The following TRAF3IP2 variants were observed in gnomAD, a reference collection of about 807,000 sequenced individuals.
The protein encoded by TRAF3IP2 is E3 ubiquitin ligase TRAF3IP2.
Under a neutral mutation model 57.9 loss-of-function variants are expected in TRAF3IP2, and 35 were observed. The observed-to-expected ratio is 0.60, with a 90% CI of 0.46 to 0.80. TRAF3IP2 has a LOEUF of 0.80. Ranked by LOEUF, TRAF3IP2 falls within the 30% of genes least tolerant of loss-of-function variation. The pLI is 0.00. For missense variants in TRAF3IP2, 556 were observed against 706.4 expected, an observed-to-expected ratio of 0.79 and a Z score of 2.41; for synonymous variants, 251 against 268.9, an observed-to-expected ratio of 0.93 and a Z score of 0.65.
rs149389459 is a variant in TRAF3IP2, at chr6:111,580,861, C to T, written c.830-472G>A. Among the ~76,000 whole-genome samples, 152 of 152,294 alleles carry T rather than the reference C, an allele frequency of 1.0e-3. 1 individual carries two copies. The East Asian group carries it at 0.012, about 12-fold the overall frequency. ...ACACGTGCATGTGCACACACACGTG[C>T]GCGCACACACACACCCCACTCTCCT... On this transcript the variant is annotated intron_variant, in intron 2 of 8. Coordinates refer to ENST00000368761, the MANE Select transcript of TRAF3IP2 (RefSeq NM_147686.4).
chr6:111,571,078 CTT>C (rs1279272695), intron 5 of TRAF3IP2, among the ~76,000 whole-genome samples: 14 of 130,722 alleles, frequency 1.1e-4, no homozygotes, highest in Non-Finnish European at 1.3e-4. Flanking sequence ...ACTTTTTTTT[CTT>C]TTTTTTTTTT....
At chr6:111,599,066 A>ATTTT (rs1017585005) in intron 1 of TRAF3IP2, among the ~76,000 whole-genome samples, 19 of 129,046 alleles carry the variant, frequency 1.5e-4, no homozygotes, top group East Asian at 2.1e-4. Flanking sequence ...CACCTGGTTA[A>ATTTT]TTTTTTTTTT....
rs554056397 is a variant in TRAF3IP2 at position 111,585,794 on chromosome 6, G to A, written c.830-5405C>T. Among the ~76,000 whole-genome samples the A allele has an allele frequency of 6.6e-5, 10 of 152,320 alleles. No homozygotes were observed. In the South Asian group the frequency reaches 1.9e-3, roughly 28 times the overall value. On this transcript the variant is annotated intron_variant, in intron 2 of 8. Transcript: ENST00000368761. ...GGTAACTCCTCAGTTCAGAGGCAGT[G>A]TTAATCACAAAGCAAAAATGAAAAT...
At chr6:111,561,802 T>C (rs539386230) in intron 8 of TRAF3IP2, among the ~76,000 whole-genome samples, 7 of 152,280 alleles carry the variant, frequency 4.6e-5, no homozygotes, top group African/African-American at 1.7e-4. Context: ...TTTTGGATGT[T>C]CCTCTTTGAT....
chr6:111,580,805 T>A (rs1796135120), intron 2 of TRAF3IP2, among the ~76,000 whole-genome samples: 1 of 152,228 alleles, frequency 6.6e-6, no homozygotes, highest in Admixed American at 6.5e-5. Context: ...ATAGAATCAC[T>A]GCTCTGTATT....
At chr6:111,579,549 T>G (rs532860022) in intron 3 of TRAF3IP2, among the ~76,000 whole-genome samples, 1 of 152,162 alleles carries the variant, frequency 6.6e-6, no homozygotes, top group South Asian at 2.1e-4. Flanking sequence ...CTGGGCAACA[T>G]AGGGAGATCC....
chr6:111,575,009 T>C (rs771872486), intron 4 of TRAF3IP2, among the ~76,000 whole-genome samples: 3 of 151,458 alleles, frequency 2.0e-5, no homozygotes, highest in Non-Finnish European at 4.4e-5. Context: ...ATCACTCGAA[T>C]CCAGCAGTTT....
chr6:111,581,576 T>C (rs188596084), intron 2 of TRAF3IP2, among the ~76,000 whole-genome samples: 1 of 152,164 alleles, frequency 6.6e-6, no homozygotes, highest in Non-Finnish European at 1.5e-5. Flanking sequence ...TTGCCTGCCA[T>C]GTAGATAGGA....
At chr6:111,578,071 G>T (rs1796043627) in intron 3 of TRAF3IP2, among the ~76,000 whole-genome samples, 1 of 152,124 alleles carries the variant, frequency 6.6e-6, no homozygotes, top group Non-Finnish European at 1.5e-5. Flanking sequence ...AGATCAAGAA[G>T]ATCAGAACAG....
rs753726029 is a variant in TRAF3IP2, at chr6:111,591,649, T to C, written c.438A>G (p.Ser146=). 5.5e-5 allele frequency: 89 copies of C among 1,614,130 alleles called. No individual in the cohort carries two copies. The highest frequency in any genetic ancestry group is 7.3e-5 in the Non-Finnish European group (86 of 1,180,054). Residue 146 remains serine, a synonymous_variant, in exon 2 of 9, where the codon TCA becomes TCG. Transcript: ENST00000368761. The surrounding 1 kb of genome is among the most constrained non-coding windows in gnomAD (Gnocchi z 4.9). ...KRNQWLVSQL[S]AASPDTGHDS... is the part of the protein sequence containing the mutation. ...CATGGCCAGTGTCAGGAGAAGCCGCTGAAAGCTGAGATACCAGCCATTGAT... is the reference window on the plus strand; with the variant it reads ...CATGGCCAGTGTCAGGAGAAGCCGCCGAAAGCTGAGATACCAGCCATTGAT...
Position 111,580,237 on chromosome 6 carries a change from C to T in TRAF3IP2, c.982G>A (p.Ala328Thr), listed in dbSNP as rs751906100. Residue 328 changes from alanine (A) to threonine (T), a missense_variant, in exon 3 of 9, where the codon GCA becomes ACA. Physicochemically the swap from Ala to Thr is moderately conservative, Grantham distance 58. Coordinates refer to ENST00000368761, the MANE Select transcript of TRAF3IP2 (RefSeq NM_147686.4). ...PSPWDHEERP[A>T]QRDCSFPGLP... ...CCCGGAAAGGAGCAGTCTCTCTGTGCGGGCCTCTCTTCGTGGTCCCAGGGG... is the reference window on the plus strand; with the variant it reads ...CCCGGAAAGGAGCAGTCTCTCTGTGTGGGCCTCTCTTCGTGGTCCCAGGGG... 6.8e-6 allele frequency: 11 copies of T among 1,613,720 alleles called. No homozygotes were observed. The highest frequency in any genetic ancestry group is 6.7e-5 in the Admixed American group (4 of 59,998).
chr6:111,578,049 A>T (rs1336449391), intron 3 of TRAF3IP2, among the ~76,000 whole-genome samples: 2 of 152,160 alleles, frequency 1.3e-5, no homozygotes, highest in African/African-American at 4.8e-5. Context: ...CATTATCCTA[A>T]AGTGATAAAA....
chr6:111,598,551 T>C (rs945752255), intron 1 of TRAF3IP2, among the ~76,000 whole-genome samples: 1 of 152,176 alleles, frequency 6.6e-6, no homozygotes, highest in African/African-American at 2.4e-5. Flanking sequence ...CTAAGATTTA[T>C]TAAGTTAAAA....
rs112724847 is a variant in TRAF3IP2, at chr6:111,589,647, G to A, written c.829+1611C>T. Among the ~76,000 whole-genome samples the A allele has an allele frequency of 9.5e-3, 1,446 of 152,068 alleles. 14 individuals are homozygous for A. The highest frequency in any genetic ancestry group is 0.017 in the Middle Eastern group (5 of 294). On this transcript the variant is annotated intron_variant, in intron 2 of 8. Coordinates refer to ENST00000368761, the MANE Select transcript of TRAF3IP2 (RefSeq NM_147686.4). The stretch of plus-strand genomic sequence containing the variant: ...TTAGGCATCAGAGGCTCTTTCTCCC[G>A]CTCCAGCCCAAGGCCCCATTCTCCT...
intron 6 of TRAF3IP2, chr6:111,567,070 G>A (rs1022279826): frequency 4.9e-5 from 26 of 534,160 alleles, no homozygotes; most frequent in Middle Eastern, 1.8e-3. Context: ...TGAGACTCCC[G>A]TCCCCCACTG....
intron 8 of TRAF3IP2, 81 bp downstream of exon 8, chr6:111,562,884 C>T: frequency 9.7e-7 from 1 of 1,025,794 alleles, no homozygotes; most frequent in Non-Finnish European, 1.4e-6. Flanking sequence ...AAAGAATGGA[C>T]AAGGTTTTCC....
At position 111,575,768 on chromosome 6, in the gene TRAF3IP2, A is replaced by G; in HGVS notation, c.1076T>C (p.Leu359Ser). ...TGGTCTCAGCTCTGCAGGGCACTCC[A>G]AGGACTCCCCAGGAGCACCAGCTCT... ...PNRAGAPGES[L>S]ECPAELRPQV... Residue 359 changes from leucine to serine, a missense_variant, in exon 4 of 9, where the codon TTG becomes TCG. Leu to Ser is a moderately radical substitution (Grantham distance 145, BLOSUM62 -2). Transcript: ENST00000368761. The G allele has an allele frequency of 6.2e-7, 1 of 1,611,040 alleles. No homozygotes were observed. Among genetic ancestry groups the G allele is most frequent in the Non-Finnish European group, 8.5e-7 (1 of 1,179,048 alleles).
intron 1 of TRAF3IP2, among the ~76,000 whole-genome samples, chr6:111,597,607 T>G (rs918895337): frequency 1.3e-5 from 2 of 152,222 alleles, no homozygotes; most frequent in Non-Finnish European, 1.5e-5. Flanking sequence ...GTAAAAATAC[T>G]AAACATTAAA....
At chr6:111,572,048 C>T (rs1795849091) in intron 5 of TRAF3IP2, among the ~76,000 whole-genome samples, 1 of 152,058 alleles carries the variant, frequency 6.6e-6, no homozygotes, top group African/African-American at 2.4e-5. Context: ...CATTTATATT[C>T]ATAGATATTT....
Sources: gnomAD v4.1 joint callset for allele counts (sites outside exome capture counted in the v4.1 genomes callset) on GRCh38, gnomAD v4.1.1 for gene constraint, Gnocchi (gnomAD v3.1) non-coding constraint, MANE v1.5 for transcripts, NCBI Gene and HGNC (gene_info 2026-07-23, HGNC 2026-07-21) for gene names.